JMJD1C: variants seen among roughly 807,000 people sequenced by gnomAD.
JMJD1C encodes jumonji domain-containing protein 1C.
JMJD1C carries 31 observed loss-of-function variants against 245.3 expected under a neutral mutation model. The ratio of observed to expected loss-of-function variants is 0.13; its 90% CI spans 0.09 to 0.17. The LOEUF is 0.17. JMJD1C is among the 10% of genes least tolerant of loss of function. JMJD1C has a pLI of 1.00. For synonymous variants in JMJD1C, 1,057 were observed against 1,017.4 expected (o/e 1.04, Z -0.74); for missense variants, 2,691 against 3,000.2 (o/e 0.90, Z 2.41).
chr10:63,412,043 G>C (rs1313230463), intron 1 of JMJD1C, among the ~76,000 whole-genome samples: 1 of 151,212 alleles, frequency 6.6e-6, no homozygotes, highest in Admixed American at 6.6e-5. Context: ...TTACAGGCTT[G>C]AACCACCATG....
chr10:63,191,295 C>G (rs1159048704), intron 16 of JMJD1C, among the ~76,000 whole-genome samples, 187 bp from the exon 17 acceptor site: 1 of 152,146 alleles, frequency 6.6e-6, no homozygotes, highest in Admixed American at 6.5e-5. Flanking sequence ...CCAGGCCCAG[C>G]TAATTTTTCT....
At chr10:63,236,010 T>C (rs1850686439) in intron 3 of JMJD1C, among the ~76,000 whole-genome samples, 1 of 152,214 alleles carries the variant, frequency 6.6e-6, no homozygotes, top group Non-Finnish European at 1.5e-5. Context: ...ATGGATATCA[T>C]AAATAGATTA....
At chr10:63,382,484 C>G (rs1947293598) in intron 1 of JMJD1C, among the ~76,000 whole-genome samples, 1 of 151,994 alleles carries the variant, frequency 6.6e-6, no homozygotes, top group South Asian at 2.1e-4. Flanking sequence ...AGCATCTGAC[C>G]AAATTCCATG....
intron 2 of JMJD1C, among the ~76,000 whole-genome samples, chr10:63,353,300 A>G (rs1275898746): frequency 6.6e-6 from 1 of 152,184 alleles, no homozygotes; most frequent in African/African-American, 2.4e-5. Flanking sequence ...TAAATTGTGA[A>G]TAAGATTTGG....
intron 2 of JMJD1C, among the ~76,000 whole-genome samples, chr10:63,369,592 ATGTACACCTATTCAACACTGGCTCC>A (rs1466172310): frequency 5.9e-5 from 9 of 152,210 alleles, no homozygotes; most frequent in African/African-American, 2.2e-4. Context: ...GTTTATTTAA[ATGTACACCTATTCAACACTGGCTCC>A]TCCCAATATT....
Position 63,219,970 on chromosome 10 carries a change from C to T in JMJD1C, c.461G>A (p.Ser154Asn). ...AFQPYQDDID[S>N]LNPVLRDNPQ... ...GTTGTCCCTGAGAACTGGGTTTAGGCTGTCTATGTCGTCCTAGAATTATAG... is the reference window on the plus strand; with the variant it reads ...GTTGTCCCTGAGAACTGGGTTTAGGTTGTCTATGTCGTCCTAGAATTATAG... The change falls in exon 4 of 26, where the codon AGC (serine) becomes AAC (asparagine). Residue 154 changes from serine to asparagine, a missense_variant. Ser to Asn is a conservative substitution (Grantham distance 46). This residue lies in a region of JMJD1C where 172 missense variants were observed against 240.8 expected (regional missense o/e 0.71). Coordinates refer to ENST00000399262, the MANE Select transcript of JMJD1C (RefSeq NM_032776.3). 6.2e-7 allele frequency: 1 copy of T among 1,612,308 alleles called. No homozygotes were observed.
intron 2 of JMJD1C, among the ~76,000 whole-genome samples, chr10:63,293,388 C>G (rs998680412): frequency 1.6e-4 from 25 of 152,196 alleles, no homozygotes; most frequent in African/African-American, 5.3e-4. Flanking sequence ...ATATCACTAC[C>G]TTCCTAGCCA....
At position 63,317,548 on chromosome 10, in the gene JMJD1C, C is replaced by T. The variant is rs186956177; in HGVS notation, c.334-52784G>A. Reference sequence around the variant, plus strand: ...CTCCTAAGCCTACTACACACACACACACACAATCATTCCCATTGTTTGCAA... The same window carrying T: ...CTCCTAAGCCTACTACACACACACATACACAATCATTCCCATTGTTTGCAA... On this transcript the variant is annotated intron_variant, in intron 2 of 25. Transcript: ENST00000399262. Among the ~76,000 whole-genome samples, 564 of 152,270 alleles carry T rather than the reference C, an allele frequency of 3.7e-3. 3 individuals carry two copies. The highest frequency in any genetic ancestry group is 6.2e-3 in the Non-Finnish European group (421 of 68,022).
Position 63,183,437 on chromosome 10 carries a change from T to C in JMJD1C, c.7084+10A>G. The C allele has an allele frequency of 6.2e-7, 1 of 1,604,108 alleles. No homozygotes were observed. ...CTTATTTCAAAGACTACTTATTCTTTTAAGTTTACCTGCTTTTGAGAGAAT... is the reference window on the plus strand; with the variant it reads ...CTTATTTCAAAGACTACTTATTCTTCTAAGTTTACCTGCTTTTGAGAGAAT... On this transcript the variant is annotated intron_variant, in intron 22 of 25. Coordinates refer to ENST00000399262, the MANE Select transcript of JMJD1C (RefSeq NM_032776.3).
intron 3 of JMJD1C, among the ~76,000 whole-genome samples, chr10:63,256,414 T>G (rs7088799): frequency 0.38 from 58,404 of 152,036 alleles, 11,585 homozygotes; most frequent in South Asian, 0.5. Context: ...AATATTTAAA[T>G]AGAATACAGA....
At chr10:63,175,309 A>C (rs932238878) in intron 24 of JMJD1C, among the ~76,000 whole-genome samples, 1 of 152,246 alleles carries the variant, frequency 6.6e-6, no homozygotes, top group Non-Finnish European at 1.5e-5. Context: ...TCATAAGTCC[A>C]TGGGAAAATA....
intron 1 of JMJD1C, among the ~76,000 whole-genome samples, chr10:63,416,012 C>A (rs1949779617): frequency 6.6e-6 from 1 of 152,148 alleles, no homozygotes; most frequent in Non-Finnish European, 1.5e-5. Flanking sequence ...GAAATACTGT[C>A]CTTCAGAGAA....
chr10:63,179,392 A>T (rs1843203660), intron 22 of JMJD1C, among the ~76,000 whole-genome samples: 1 of 146,640 alleles, frequency 6.8e-6, no homozygotes, highest in African/African-American at 2.5e-5. Flanking sequence ...CTGGGCAACA[A>T]GAGCAAAACT....
At chr10:63,336,781 CAG>C (rs1942778755) in intron 2 of JMJD1C, among the ~76,000 whole-genome samples, 1 of 152,230 alleles carries the variant, frequency 6.6e-6, no homozygotes, top group East Asian at 1.9e-4. Flanking sequence ...TGCAAATAAA[CAG>C]AGTGTGAGCC....
At chr10:63,258,768 G>A (rs866817870) in intron 3 of JMJD1C, among the ~76,000 whole-genome samples, 17 of 152,192 alleles carry the variant, frequency 1.1e-4, no homozygotes, top group Middle Eastern at 6.8e-3. Flanking sequence ...TTTTATGTCA[G>A]TTCTTATCAT....
In JMJD1C at chr10:63,176,629, C is replaced by A. The variant is rs565588645; in HGVS notation, c.7225-156G>T. The A allele has an allele frequency of 2.9e-4, 181 of 622,446 alleles. 1 individual carries two copies. The East Asian group carries it at 4.9e-3, about 17-fold the overall frequency. 38.6% of individuals were successfully genotyped at this position (622,446 alleles called of 1,614,324 possible). ...TCTTCAGTTAAAAAATAACATTCTG[C>A]AATAATTTGGAAAGCCAAAGAATAT... On this transcript the variant is annotated intron_variant, in intron 23 of 25. Transcript: ENST00000399262.
chr10:63,394,114 G>T (rs1304630355), intron 1 of JMJD1C, among the ~76,000 whole-genome samples: 12 of 151,586 alleles, frequency 7.9e-5, no homozygotes. Context: ...TTGAATCCGG[G>T]AGGTAGTGGT....
At chr10:63,374,860 A>T (rs545019789) in intron 2 of JMJD1C, among the ~76,000 whole-genome samples, 1 of 152,298 alleles carries the variant, frequency 6.6e-6, no homozygotes, top group East Asian at 1.9e-4. Flanking sequence ...AAAAGAAGGC[A>T]GAGATTTTGT....
At chr10:63,352,483 C>G (rs1483335955) in intron 2 of JMJD1C, among the ~76,000 whole-genome samples, 3 of 151,652 alleles carry the variant, frequency 2.0e-5, no homozygotes, top group Non-Finnish European at 4.4e-5. Context: ...ACTAAAAATA[C>G]AAAAATTAGC....
Sources: allele counts gnomAD v4.1 joint callset (sites outside exome capture counted in the v4.1 genomes callset), GRCh38; gene constraint gnomAD v4.1.1; regional missense constraint gnomAD v4.1.1; transcripts MANE v1.5; gene names NCBI Gene and HGNC (gene_info 2026-07-23, HGNC 2026-07-21).